C8orf89: variants seen among roughly 807,000 people sequenced by gnomAD.
The protein encoded by C8orf89 is chromosome 8 open reading frame 89, also known as putative uncharacterized protein C8orf89.
In C8orf89, 14 loss-of-function variants were observed where a neutral mutation model predicts 15.8. The observed-to-expected ratio is 0.89, with a 90% CI of 0.59 to 1.39. The LOEUF (loss-of-function observed/expected upper bound fraction) is 1.39. Ranked by LOEUF, C8orf89 falls within the 40% of genes most tolerant of loss-of-function variation. The probability of loss-of-function intolerance (pLI) is 0.00; values close to 1 mark genes in which losing one functional copy is unlikely to be tolerated. For missense variants in C8orf89, 181 were observed against 184.5 expected, an observed-to-expected ratio of 0.98 and a Z score of 0.11; for synonymous variants, 55 against 62.2, an observed-to-expected ratio of 0.88 and a Z score of 0.54.
chr8:73,276,087 G>A, the C8orf89 span, among the ~76,000 whole-genome samples: 2 of 151,730 alleles, frequency 1.3e-5, no homozygotes, highest in African/African-American at 4.8e-5. Context: ...TCCTGAGAAA[G>A]GGTTCATAGG....
At chr8:73,242,210 C>T (rs1392924009) in intron 3 of C8orf89, among the ~76,000 whole-genome samples, 1 of 152,108 alleles carries the variant, frequency 6.6e-6, no homozygotes, top group Admixed American at 6.6e-5. Flanking sequence ...ATGAAAAGAA[C>T]CTACAGAATG....
At chr8:73,251,827 G>A (rs1179961049) in intron 2 of C8orf89, among the ~76,000 whole-genome samples, 1 of 152,118 alleles carries the variant, frequency 6.6e-6, no homozygotes, top group South Asian at 2.1e-4. Context: ...GGTCCATACC[G>A]ATGCAAAGTA....
the C8orf89 span, among the ~76,000 whole-genome samples, chr8:73,273,851 C>G: frequency 6.6e-6 from 1 of 150,666 alleles, no homozygotes; most frequent in Non-Finnish European, 1.5e-5. Flanking sequence ...TCTTGCTTAA[C>G]CTTGGTAACT....
At chr8:73,245,366 T>C (rs571095726) in intron 3 of C8orf89, among the ~76,000 whole-genome samples, 2 of 152,352 alleles carry the variant, frequency 1.3e-5, no homozygotes, top group South Asian at 4.1e-4. Flanking sequence ...AGTTGTGTAA[T>C]GGAGCAAAAG....
chr8:73,244,983 G>A (rs1813092367), intron 3 of C8orf89, among the ~76,000 whole-genome samples: 1 of 152,176 alleles, frequency 6.6e-6, no homozygotes, highest in African/African-American at 2.4e-5. Context: ...AGAAAAAGAG[G>A]TTTAATGGAC....
At chr8:73,272,125 A>G in the C8orf89 span, among the ~76,000 whole-genome samples, 11 of 152,244 alleles carry the variant, frequency 7.2e-5, no homozygotes, top group Admixed American at 7.2e-4. Context: ...CTTTCCTTTC[A>G]GGGTGAAACT....
chr8:73,241,672 A>T (rs1586159183), intron 3 of C8orf89, 67 bp from the exon 4 acceptor site: 1 of 1,221,264 alleles, frequency 8.2e-7, no homozygotes. Flanking sequence ...ATTCTATTAA[A>T]TATAATGTGA....
rs973209544 is a variant in C8orf89, at chr8:73,259,379, T to C, written c.80A>G (p.Glu27Gly). ...RSSFGSCLIF[E>G]SSWKKAVLET... ...TAAAACTGCTTTCTTCCAACTACTC[T>C]CAAAAATCAAACAACTGCCAAAGGA... The change falls in exon 1 of 4, where the codon GAG (glutamate) becomes GGG (glycine). Residue 27 changes from glutamate (E) to glycine (G), a missense_variant. Transcript: ENST00000624510. The C allele has an allele frequency of 6.5e-6, 10 of 1,529,002 alleles. No individual in the cohort carries two copies. Among genetic ancestry groups the C allele is most frequent in the Non-Finnish European group, 7.0e-6 (8 of 1,141,062 alleles). 94.7% of individuals were successfully genotyped at this position (1,529,002 alleles called of 1,614,324 possible).
intron 2 of C8orf89, among the ~76,000 whole-genome samples, chr8:73,254,343 T>C (rs1813318408): frequency 3.9e-5 from 6 of 152,158 alleles, no homozygotes; most frequent in African/African-American, 1.2e-4. Flanking sequence ...GCCAGTATTT[T>C]ATTGAGGATT....
At chr8:73,275,587 T>C in the C8orf89 span, among the ~76,000 whole-genome samples, 1,494 of 152,264 alleles carry the variant, frequency 9.8e-3, 27 homozygotes, top group African/African-American at 0.033. Context: ...AATGGTACCT[T>C]GTTAATTTTT....
upstream of C8orf89, among the ~76,000 whole-genome samples, chr8:73,262,211 T>A (rs1813542704): frequency 6.6e-6 from 1 of 152,130 alleles, no homozygotes. Flanking sequence ...ACCAGACAAC[T>A]TTCTTTCAGC....
the C8orf89 span, among the ~76,000 whole-genome samples, chr8:73,272,197 G>A: frequency 6.6e-6 from 1 of 152,074 alleles, no homozygotes; most frequent in South Asian, 2.1e-4. Flanking sequence ...TTCCTAATGA[G>A]AGAAGTATAT....
the C8orf89 span, among the ~76,000 whole-genome samples, chr8:73,270,291 C>G: frequency 6.6e-6 from 1 of 152,018 alleles, no homozygotes; most frequent in Non-Finnish European, 1.5e-5. Flanking sequence ...AATTTAATAG[C>G]GTAATAACCA....
chr8:73,241,681 G>A, intron 3 of C8orf89, 76 bp from the exon 4 acceptor site: 4 of 1,167,416 alleles, frequency 3.4e-6, no homozygotes, highest in Non-Finnish European at 4.6e-6. Context: ...AATATAATGT[G>A]ACTGAAATAT....
At position 73,250,292 on chromosome 8, in the gene C8orf89, C is replaced by T. The variant is rs1028622940; in HGVS notation, c.313G>A (p.Ala105Thr). The change falls in exon 3 of 4, where the codon GCA (alanine) becomes ACA (threonine). Residue 105 changes from alanine to threonine, a missense_variant. Coordinates refer to ENST00000624510, the MANE Select transcript of C8orf89 (RefSeq NM_001243237.3). ...CCTTTTGATTTCTCCCAAAGTGGTG[C>T]CACACTGCATGTCTCCTTAGTCTTC... is the stretch of plus-strand genomic sequence containing the variant. ...LKKTKETCSVAPLWEKSKGSG... is the reference protein window; with the variant it reads ...LKKTKETCSVTPLWEKSKGSG... 4.6e-6 allele frequency: 7 copies of T among 1,533,208 alleles called. No homozygotes were observed. Among genetic ancestry groups the T allele is most frequent in the Non-Finnish European group, 6.1e-6 (7 of 1,144,872 alleles). 95.0% of individuals were successfully genotyped at this position (1,533,208 alleles called of 1,614,324 possible).
the C8orf89 span, among the ~76,000 whole-genome samples, chr8:73,272,330 G>T: frequency 6.6e-6 from 1 of 151,946 alleles, no homozygotes; most frequent in African/African-American, 2.4e-5. Flanking sequence ...GACCTAATCA[G>T]GGCTTAATAT....
chr8:73,250,430 G>T, intron 2 of C8orf89, 107 bp from the exon 3 acceptor site: 1 of 676,562 alleles, frequency 1.5e-6, no homozygotes, highest in Non-Finnish European at 2.4e-6. Flanking sequence ...GTTAAGGAAA[G>T]GAAAGTCTTT....
At chr8:73,255,099 A>G (rs1306780590) in intron 2 of C8orf89, among the ~76,000 whole-genome samples, 1 of 152,068 alleles carries the variant, frequency 6.6e-6, no homozygotes, top group African/African-American at 2.4e-5. Context: ...AATGGCAACA[A>G]AAGCCAAAAT....
the C8orf89 span, among the ~76,000 whole-genome samples, chr8:73,270,295 A>G: frequency 6.6e-6 from 1 of 152,230 alleles, no homozygotes; most frequent in African/African-American, 2.4e-5. Context: ...TAATAGCGTA[A>G]TAACCAGTTT....
Sources: allele counts gnomAD v4.1 joint callset (sites outside exome capture counted in the v4.1 genomes callset), GRCh38; gene constraint gnomAD v4.1.1; transcripts MANE v1.5; gene names NCBI Gene and HGNC (gene_info 2026-07-23, HGNC 2026-07-21).